Variants in KCNIP4 observed in about 807,000 individuals in gnomAD.
KCNIP4 encodes Kv channel-interacting protein 4.
A neutral mutation model predicts 34.0 loss-of-function variants in KCNIP4; 12 were observed. The ratio of observed to expected loss-of-function variants is 0.35; its 90% CI spans 0.23 to 0.57. KCNIP4 has a LOEUF of 0.57. KCNIP4 is among the 20% of genes least tolerant of loss of function. The probability of loss-of-function intolerance (pLI) is 0.83; values close to 1 mark genes in which losing one functional copy is unlikely to be tolerated. For synonymous variants in KCNIP4, 124 were observed against 102.2 expected (o/e 1.21, Z -1.29); for missense variants, 238 against 311.7 (o/e 0.76, Z 1.78).
At chr4:21,076,241 A>G (rs1302002234) in intron 1 of KCNIP4, among the ~76,000 whole-genome samples, 3 of 152,106 alleles carry the variant, frequency 2.0e-5, no homozygotes, top group African/African-American at 7.2e-5. Context: ...GTGTTTTCCA[A>G]CTTGATTCAA....
At chr4:21,008,109 C>T (rs1169748073) in intron 1 of KCNIP4, among the ~76,000 whole-genome samples, 1 of 152,218 alleles carries the variant, frequency 6.6e-6, no homozygotes, top group Non-Finnish European at 1.5e-5. Context: ...GAACTGAGAC[C>T]TGCAGGCAGG....
At chr4:20,864,264 GTATGTACACATATGTATGCATA>G (rs900714884) in intron 2 of KCNIP4, among the ~76,000 whole-genome samples, 11 of 150,634 alleles carry the variant, frequency 7.3e-5, no homozygotes, top group Admixed American at 3.3e-4. Flanking sequence ...GCACACATAT[GTATGTACACATATGTATGCATA>G]TATGTACACA....
At chr4:21,589,501 G>A (rs1476596507) in intron 1 of KCNIP4, among the ~76,000 whole-genome samples, 1 of 151,116 alleles carries the variant, frequency 6.6e-6, no homozygotes, top group Admixed American at 6.6e-5. Flanking sequence ...GGGGAAGCAA[G>A]AAATAAAATA....
chr4:21,677,514 T>G (rs1442429253), intron 1 of KCNIP4, among the ~76,000 whole-genome samples: 1 of 152,160 alleles, frequency 6.6e-6, no homozygotes, highest in African/African-American at 2.4e-5. Flanking sequence ...GCCAGTTCCC[T>G]GCAGCCATCT....
intron 1 of KCNIP4, among the ~76,000 whole-genome samples, chr4:21,705,053 G>C (rs1713159853): frequency 6.6e-6 from 1 of 152,048 alleles, no homozygotes; most frequent in South Asian, 2.1e-4. Flanking sequence ...ATGAACTAGT[G>C]ATAGACACAA....
chr4:21,396,568 A>AAAAAAAAAAAAG (rs3082932), intron 1 of KCNIP4, among the ~76,000 whole-genome samples: 3 of 150,648 alleles, frequency 2.0e-5, no homozygotes, highest in Non-Finnish European at 3.0e-5. Context: ...AAAAAAAAAA[A>AAAAAAAAAAAAG]GAGGATTCTG....
chr4:21,185,542 C>T (rs907823977), intron 1 of KCNIP4, among the ~76,000 whole-genome samples: 2 of 151,322 alleles, frequency 1.3e-5, no homozygotes, highest in Admixed American at 1.3e-4. Context: ...TATTTTCCTT[C>T]TCTGCTTCAT....
intron 1 of KCNIP4, among the ~76,000 whole-genome samples, chr4:21,277,344 T>C (rs959127695): frequency 4.5e-4 from 69 of 152,056 alleles, no homozygotes; most frequent in African/African-American, 1.6e-3. Context: ...AAAGCAGAGA[T>C]CAAAACAAAT....
At chr4:21,414,703 T>C (rs1423688745) in intron 1 of KCNIP4, among the ~76,000 whole-genome samples, 1 of 152,208 alleles carries the variant, frequency 6.6e-6, no homozygotes, top group Non-Finnish European at 1.5e-5. Context: ...AATAGATGAA[T>C]AGGTAAAGAA....
chr4:21,360,310 A>T (rs1270077034), intron 1 of KCNIP4, among the ~76,000 whole-genome samples: 3 of 152,084 alleles, frequency 2.0e-5, no homozygotes, highest in Non-Finnish European at 4.4e-5. Context: ...AGAAAATTAA[A>T]ATCATTTAAT....
At chr4:21,720,687 C>A (rs371835619) in intron 1 of KCNIP4, among the ~76,000 whole-genome samples, 2 of 140,846 alleles carry the variant, frequency 1.4e-5, no homozygotes, top group East Asian at 4.5e-4. Context: ...CCCCCTCCCC[C>A]ACCCCACAAC....
intron 1 of KCNIP4, among the ~76,000 whole-genome samples, chr4:20,898,656 C>T (rs185815583): frequency 6.6e-6 from 1 of 152,116 alleles, no homozygotes; most frequent in African/African-American, 2.4e-5. Context: ...TATCTAGCAC[C>T]TAAGTATCTG....
chr4:21,820,931 TAACTG>T (rs1438795545), intron 1 of KCNIP4, among the ~76,000 whole-genome samples: 3 of 152,280 alleles, frequency 2.0e-5, no homozygotes, highest in Non-Finnish European at 4.4e-5. Context: ...ATGCAACTGA[TAACTG>T]AACATGGTTA....
At chr4:20,862,843 T>C (rs911413441) in intron 2 of KCNIP4, among the ~76,000 whole-genome samples, 2 of 152,154 alleles carry the variant, frequency 1.3e-5, no homozygotes, top group Non-Finnish European at 2.9e-5. Flanking sequence ...CTGGAGGCCA[T>C]TATCCTTGGC....
rs190703197 is a variant in KCNIP4, at chr4:21,169,197, G to T, written c.62-286488C>A. ...TGTTGCTGAGACAGGGTGAAGTGCA[G>T]GCTGGAGTGCAGTGGCATGATCATG... On this transcript the variant is annotated intron_variant, in intron 1 of 8. Coordinates refer to ENST00000382152, the MANE Select transcript of KCNIP4 (RefSeq NM_025221.6). 3.1e-4 allele frequency among the ~76,000 whole-genome samples: 47 copies of T among 152,214 alleles called. 1 individual carries two copies. In the East Asian group the frequency reaches 7.4e-3, roughly 24 times the overall value.
intron 1 of KCNIP4, among the ~76,000 whole-genome samples, chr4:21,889,222 T>C (rs115209983): frequency 1.3e-5 from 2 of 152,132 alleles, no homozygotes; most frequent in Non-Finnish European, 2.9e-5. Flanking sequence ...GCAAACTTTG[T>C]TTTATATACA....
intron 1 of KCNIP4, among the ~76,000 whole-genome samples, chr4:21,013,314 G>A (rs1739227273): frequency 6.6e-6 from 1 of 152,106 alleles, no homozygotes; most frequent in African/African-American, 2.4e-5. Flanking sequence ...CTTTCAGGGA[G>A]GTAGAGTGGG....
intron 1 of KCNIP4, among the ~76,000 whole-genome samples, chr4:21,457,266 C>T (rs1729031791): frequency 6.6e-6 from 1 of 152,074 alleles, no homozygotes; most frequent in African/African-American, 2.4e-5. Context: ...TAGCAGAGCT[C>T]TGGGCTGTAT....
rs1759083806 is a variant in KCNIP4 at position 21,234,168 on chromosome 4, T to TATAAC, written c.62-351460_62-351459insGTTAT. 1.7e-5 allele frequency among the ~76,000 whole-genome samples: 2 copies of TATAAC among 115,328 alleles called. 1 individual carries two copies. Among genetic ancestry groups the TATAAC allele is most frequent in the African/African-American group, 7.8e-5 (2 of 25,526 alleles). 75.7% of individuals were successfully genotyped at this position (115,328 alleles called of 152,430 possible). A position where few individuals can be genotyped will look rare whatever the true frequency, so the allele number is the denominator to read the frequency against. On this transcript the variant is annotated intron_variant, in intron 1 of 8. Transcript: ENST00000382152. ...TATATAACATATATAACGTATATTATATATAACATATATAACGTATATTAT... is the reference window on the plus strand; with the variant it reads ...TATATAACATATATAACGTATATTATATAACATATAACATATATAACGTATATTAT...
Sources: allele counts gnomAD v4.1 joint callset (sites outside exome capture counted in the v4.1 genomes callset), GRCh38; gene constraint gnomAD v4.1.1; transcripts MANE v1.5; gene names NCBI Gene and HGNC (gene_info 2026-07-23, HGNC 2026-07-21).